Variants in VEPH1 observed in about 807,000 individuals in gnomAD.
VEPH1 encodes the protein ventricular zone expressed PH domain containing 1, also known as ventricular zone-expressed PH domain-containing protein homolog 1.
VEPH1 carries 80 observed loss-of-function variants against 85.2 expected under a neutral mutation model. The observed-to-expected ratio is 0.94, with a 90% CI of 0.78 to 1.13. The LOEUF (loss-of-function observed/expected upper bound fraction) is 1.13, where lower values mean the gene tolerates loss of function less well. VEPH1 is among the 50% of genes most tolerant of loss of function. The pLI is 0.00. For missense variants in VEPH1, 955 were observed against 980.5 expected, an observed-to-expected ratio of 0.97 and a Z score of 0.35; for synonymous variants, 297 against 348.0, an observed-to-expected ratio of 0.85 and a Z score of 1.63.
intron 11 of VEPH1, among the ~76,000 whole-genome samples, chr3:157,310,644 G>C (rs528853288): frequency 6.6e-6 from 1 of 152,204 alleles, no homozygotes; most frequent in Admixed American, 6.5e-5. Context: ...GTGGGACTGG[G>C]TGGCTCTCTA....
intron 11 of VEPH1, among the ~76,000 whole-genome samples, chr3:157,300,994 T>A (rs1304193030): frequency 6.6e-6 from 1 of 152,230 alleles, no homozygotes; most frequent in Non-Finnish European, 1.5e-5. Context: ...GAACCTCTCC[T>A]CTTATGTTAG....
intron 6 of VEPH1, among the ~76,000 whole-genome samples, chr3:157,390,523 T>C (rs1729757831): frequency 6.6e-6 from 1 of 152,176 alleles, no homozygotes; most frequent in South Asian, 2.1e-4. Context: ...CTCATTTTGT[T>C]TTGTTTTGTT....
In VEPH1 at chr3:157,495,616, G is replaced by T. The variant is rs143068243; in HGVS notation, c.-157-110C>A. On this transcript the variant is annotated intron_variant, in intron 1 of 13. Coordinates refer to ENST00000362010, the MANE Select transcript of VEPH1 (RefSeq NM_001167912.2). ...AGAGAAAAAAGAAACTTGGAAACAT[G>T]TGCCTAGACTAATAGATCCTGGCTT... 28 of 474,670 alleles carry T rather than the reference G, an allele frequency of 5.9e-5. No homozygotes were observed. The Admixed American group carries it at 9.7e-4, about 16-fold the overall frequency. 29.4% of individuals were successfully genotyped at this position (474,670 alleles called of 1,614,324 possible).
chr3:157,483,123 TACACAC>T (rs60205276), intron 2 of VEPH1, among the ~76,000 whole-genome samples: 83 of 147,044 alleles, frequency 5.6e-4, no homozygotes, highest in Middle Eastern at 3.4e-3. Flanking sequence ...TTTAAAAGCA[TACACAC>T]ACACACACAC....
At chr3:157,276,660 G>T (rs571293144) in intron 12 of VEPH1, among the ~76,000 whole-genome samples, 1 of 152,216 alleles carries the variant, frequency 6.6e-6, no homozygotes, top group South Asian at 2.1e-4. Context: ...AATCAATAGG[G>T]TTACAGAAAA....
intron 4 of VEPH1, among the ~76,000 whole-genome samples, chr3:157,438,123 G>C (rs528614608): frequency 1.3e-5 from 2 of 151,524 alleles, no homozygotes; most frequent in Admixed American, 6.6e-5. Flanking sequence ...ATACAAGGCG[G>C]GAAAATTGGC....
chr3:157,471,460 A>G (rs1199034506), intron 2 of VEPH1, among the ~76,000 whole-genome samples: 1 of 152,236 alleles, frequency 6.6e-6, no homozygotes, highest in Non-Finnish European at 1.5e-5. Flanking sequence ...ACTATGTTCC[A>G]GAAAGGTTTT....
Position 157,439,781 on chromosome 3 carries a change from C to T in VEPH1, c.530-11293G>A, listed in dbSNP as rs1449005684. ...TGTTTTTTTCTTTGAGACGGAATCT[C>T]GCTCTGTCGCCCAGGCTGGAGTGCA... On this transcript the variant is annotated intron_variant, in intron 4 of 13. Transcript: ENST00000362010. Among the ~76,000 whole-genome samples the T allele has an allele frequency of 3.3e-5, 5 of 152,158 alleles. No individual in the cohort carries two copies. The East Asian group carries it at 9.6e-4, about 29-fold the overall frequency.
At chr3:157,437,667 C>A in intron 4 of VEPH1, 1 of 1,539,640 alleles carries the variant, frequency 6.5e-7, no homozygotes, top group Non-Finnish European at 8.7e-7. Flanking sequence ...TGGGCCGGCT[C>A]GCGGAAAGCC....
At chr3:157,322,983 GAAAAAGTGCAGAACAAACTCATT>G (rs1321846917) in intron 9 of VEPH1, among the ~76,000 whole-genome samples, 2 of 152,124 alleles carry the variant, frequency 1.3e-5, no homozygotes, top group Non-Finnish European at 2.9e-5. Context: ...CCAATTTGGG[GAAAAAGTGCAGAACAAACTCATT>G]ACTTTAAAAT....
Position 157,437,848 on chromosome 3 carries a change from C to G in VEPH1, c.530-9360G>C, listed in dbSNP as rs1331689231. 6 of 1,497,378 alleles carry G rather than the reference C, an allele frequency of 4.0e-6. No individual in the cohort carries two copies. The East Asian group carries it at 8.2e-5, about 20-fold the overall frequency. The allele number at this position is 1,497,378 out of a possible 1,614,324, so 92.8% of individuals were successfully genotyped here. A position where few individuals can be genotyped will look rare whatever the true frequency, so the allele number is the denominator to read the frequency against. On this transcript the variant is annotated intron_variant, in intron 4 of 13. Transcript: ENST00000362010. ...CGCCCTGGCCGCGGTGCTAGAGGAG[C>G]TGCGGCAGACGCGAGCCGACCTGCA...
At chr3:157,405,888 C>T (rs55721375) in intron 6 of VEPH1, among the ~76,000 whole-genome samples, 26,078 of 152,154 alleles carry the variant, frequency 0.17, 2,794 homozygotes, top group Non-Finnish European at 0.25. Flanking sequence ...CTCTGTGTCC[C>T]CATCACCAGT....
intron 6 of VEPH1, chr3:157,409,550 A>G (rs1305656707): frequency 4.2e-5 from 37 of 887,388 alleles, no homozygotes; most frequent in Non-Finnish European, 4.7e-5. Context: ...TTCTGAGTTA[A>G]TCTGGGAGAT....
chr3:157,481,462 A>ACC (rs1738057174), intron 2 of VEPH1, among the ~76,000 whole-genome samples: 1 of 84,682 alleles, frequency 1.2e-5, no homozygotes, highest in Non-Finnish European at 2.3e-5. Flanking sequence ...ACACACACAC[A>ACC]CACAAAAAAA....
At chr3:157,497,263 T>C (rs901536800) in intron 1 of VEPH1, among the ~76,000 whole-genome samples, 1 of 152,172 alleles carries the variant, frequency 6.6e-6, no homozygotes, top group African/African-American at 2.4e-5. Flanking sequence ...CCTTCTACAC[T>C]GCTCCTGGAT....
intron 4 of VEPH1, among the ~76,000 whole-genome samples, chr3:157,438,448 C>T (rs1213186003): frequency 1.3e-5 from 2 of 152,180 alleles, no homozygotes; most frequent in Non-Finnish European, 2.9e-5. Flanking sequence ...CACCCATTCT[C>T]AGCAAGAAAC....
chr3:157,385,374 T>C (rs879136585), intron 6 of VEPH1, among the ~76,000 whole-genome samples: 17 of 152,280 alleles, frequency 1.1e-4, no homozygotes, highest in African/African-American at 3.4e-4. Context: ...ACAAAATAGA[T>C]CAGCAATTCT....
chr3:157,269,432 TAGAAAGGAAACATTAGC>T (rs1714202418), intron 12 of VEPH1, among the ~76,000 whole-genome samples: 1 of 152,160 alleles, frequency 6.6e-6, no homozygotes, highest in Non-Finnish European at 1.5e-5. Context: ...AAAATGGTTT[TAGAAAGGAAACATTAGC>T]AGAACTTTAA....
At chr3:157,350,061 T>C (rs759175805) in intron 9 of VEPH1, among the ~76,000 whole-genome samples, 1 of 152,066 alleles carries the variant, frequency 6.6e-6, no homozygotes, top group East Asian at 1.9e-4. Context: ...CAAATAGCCA[T>C]AGCAATTCTG....
Sources: allele counts gnomAD v4.1 joint callset (sites outside exome capture counted in the v4.1 genomes callset), GRCh38; gene constraint gnomAD v4.1.1; transcripts MANE v1.5; gene names NCBI Gene and HGNC (gene_info 2026-07-23, HGNC 2026-07-21).